Variants in ITPRID2 observed in about 807,000 individuals in gnomAD.
The protein encoded by ITPRID2 is ITPR interacting domain containing 2, also known as protein ITPRID2.
In ITPRID2, 60 loss-of-function variants were observed where a neutral mutation model predicts 124.3. The ratio of observed to expected loss-of-function variants is 0.48; its 90% CI spans 0.39 to 0.60. The LOEUF (loss-of-function observed/expected upper bound fraction) is 0.60. Among genes scored for constraint, ITPRID2 ranks in the 20% least tolerant of loss-of-function variants. The pLI, the probability that ITPRID2 is intolerant of heterozygous loss-of-function variation, is 0.00. For synonymous variants in ITPRID2, 521 were observed against 542.9 expected, an observed-to-expected ratio of 0.96 and a Z score of 0.56; for missense variants, 1,553 against 1,512.2, an observed-to-expected ratio of 1.03 and a Z score of -0.45.
intron 8 of ITPRID2, among the ~76,000 whole-genome samples, chr2:181,903,243 C>T (rs1692826222): frequency 1.3e-5 from 2 of 152,170 alleles, no homozygotes. Context: ...CTGTTCTTGG[C>T]TCTTGAAGTA....
chr2:181,917,335 T>C (rs946432340), intron 11 of ITPRID2: 3 of 152,254 alleles, frequency 2.0e-5, no homozygotes, highest in African/African-American at 2.4e-5. Flanking sequence ...GTGTAACTTC[T>C]CAAGTTATAA....
At chr2:181,909,613 A>C (rs947176134) in intron 8 of ITPRID2, among the ~76,000 whole-genome samples, 4 of 152,216 alleles carry the variant, frequency 2.6e-5, no homozygotes, top group African/African-American at 9.6e-5. Flanking sequence ...ACTAACCGTT[A>C]CAGGGTAAAA....
At chr2:181,913,810 A>G (rs1693817763) in intron 9 of ITPRID2, 35 bp from the exon 10 acceptor site, 1 of 1,496,986 alleles carries the variant, frequency 6.7e-7, no homozygotes, top group East Asian at 2.3e-5. Flanking sequence ...TTTATAGATC[A>G]TCTGTTTCTT....
At chr2:181,916,455 CT>C (rs745832808) in intron 11 of ITPRID2, 28 bp downstream of exon 11, 4 of 1,590,162 alleles carry the variant, frequency 2.5e-6, no homozygotes, top group African/African-American at 1.3e-5. Context: ...TTATCATTAG[CT>C]TTTTTCTTTT....
chr2:181,900,935 T>C (rs1692615370), intron 7 of ITPRID2, 31 bp downstream of exon 7: 1 of 1,529,200 alleles, frequency 6.5e-7, no homozygotes, highest in East Asian at 2.3e-5. Flanking sequence ...GCATATTATT[T>C]TCTTAAATTA....
chr2:181,900,122 T>C lies in ITPRID2; in HGVS notation c.504-574T>C, dbSNP rs140385129. ...AATAGGATTAGAGTAGTTACCTTTG[T>C]GTAACCCACACTCTCTGTACCTTAC... On this transcript the variant is annotated intron_variant, in intron 6 of 17. Transcript: ENST00000431877. 2.2e-3 allele frequency among the ~76,000 whole-genome samples: 342 copies of C among 152,328 alleles called. 3 individuals carry two copies. Among genetic ancestry groups the C allele is most frequent in the African/African-American group, 7.7e-3 (321 of 41,578 alleles).
At chr2:181,916,908 C>G (rs1256817672) in intron 11 of ITPRID2, 5 of 994,986 alleles carry the variant, frequency 5.0e-6, no homozygotes, top group Non-Finnish European at 6.0e-6. Flanking sequence ...CTAAGCTTTC[C>G]CCTTCACCTA....
chr2:181,893,760 C>T (rs770418960), intron 2 of ITPRID2: 1 of 152,164 alleles, frequency 6.6e-6, no homozygotes, highest in Non-Finnish European at 1.5e-5. Context: ...ATCAATCTCC[C>T]AGTTTTCAGA....
intron 7 of ITPRID2, among the ~76,000 whole-genome samples, chr2:181,901,378 CT>C (rs1692653030): frequency 6.6e-6 from 1 of 152,146 alleles, no homozygotes; most frequent in Non-Finnish European, 1.5e-5. Flanking sequence ...ATCCCTCACC[CT>C]GCAAATTAGG....
In ITPRID2 at chr2:181,919,924, T is replaced by G. The variant is rs893433066; in HGVS notation, c.3144+478T>G. Among the ~76,000 whole-genome samples the G allele has an allele frequency of 3.7e-4, 56 of 152,182 alleles. No homozygotes were observed. Among genetic ancestry groups the G allele is most frequent in the African/African-American group, 1.2e-3 (51 of 41,562 alleles). On this transcript the variant is annotated intron_variant, in intron 14 of 17. Coordinates refer to ENST00000431877, the MANE Select transcript of ITPRID2 (RefSeq NM_001130445.3). The surrounding 1 kb of genome is among the most constrained non-coding windows in gnomAD (Gnocchi z 4.2). ...AATGATACCTGTATATTTTCATACATATATATACATACACATACATATATG... is the reference window on the plus strand; with the variant it reads ...AATGATACCTGTATATTTTCATACAGATATATACATACACATACATATATG...
intron 7 of ITPRID2, among the ~76,000 whole-genome samples, 153 bp from the exon 8 acceptor site, chr2:181,901,613 A>G (rs144780038): frequency 1.1e-3 from 164 of 152,280 alleles, no homozygotes; most frequent in African/African-American, 3.6e-3. Flanking sequence ...GAATGTAGAG[A>G]AGGTTTAAGT....
intron 9 of ITPRID2, among the ~76,000 whole-genome samples, chr2:181,913,131 A>AG (rs1693744050): frequency 6.6e-6 from 1 of 151,856 alleles, no homozygotes; most frequent in Non-Finnish European, 1.5e-5. Flanking sequence ...GCAGTGGCAC[A>AG]ATCTTGGCTC....
At position 181,896,159 on chromosome 2, in the gene ITPRID2, A is replaced by T. The variant is rs975784706; in HGVS notation, c.307+80A>T. On this transcript the variant is annotated intron_variant, in intron 3 of 17. Transcript: ENST00000431877. This position sits in a 1 kb window ranked among gnomAD's most constrained non-coding sequence, Gnocchi z 4.3. The stretch of plus-strand genomic sequence containing the variant: ...TCCTCTGGGTAAAAGTGTATATATG[A>T]CTTATAAAAGTGATATTCATGTTTA... The T allele has an allele frequency of 4.0e-6, 5 of 1,265,366 alleles. No individual in the cohort carries two copies. In the East Asian group the frequency reaches 1.2e-4, roughly 29 times the overall value. 78.4% of individuals were successfully genotyped at this position (1,265,366 alleles called of 1,614,324 possible). A position where few individuals can be genotyped will look rare whatever the true frequency, so the allele number is the denominator to read the frequency against.
intron 8 of ITPRID2, among the ~76,000 whole-genome samples, chr2:181,903,757 C>T (rs969300536): frequency 9.9e-5 from 15 of 151,946 alleles, no homozygotes; most frequent in Admixed American, 7.9e-4. Context: ...TATTTCTCAT[C>T]GTAATGAGTA....
Position 181,910,082 on chromosome 2 carries a change from A to G in ITPRID2, c.1486+111A>G. The stretch of plus-strand genomic sequence containing the variant: ...AGTATTTATGAGTGTGAAAAGGCAA[A>G]GAACACACACAGGTAGGCATGATTC... On this transcript the variant is annotated intron_variant, in intron 9 of 17. Transcript: ENST00000431877. The surrounding 1 kb of genome is among the most constrained non-coding windows in gnomAD (Gnocchi z 4.1). The G allele has an allele frequency of 1.4e-6, 1 of 718,666 alleles. No homozygotes were observed. Among genetic ancestry groups the G allele is most frequent in the Non-Finnish European group, 2.3e-6 (1 of 436,582 alleles). 44.5% of individuals were successfully genotyped at this position (718,666 alleles called of 1,614,324 possible).
chr2:181,913,814 G>A (rs763992025), intron 9 of ITPRID2, 31 bp from the exon 10 acceptor site: 2 of 1,537,604 alleles, frequency 1.3e-6, no homozygotes, highest in Non-Finnish European at 1.8e-6. Flanking sequence ...TAGATCATCT[G>A]TTTCTTATAG....
At position 181,929,791 on chromosome 2, in the gene ITPRID2, AT is replaced by A; in HGVS notation, c.*247del. 1 of 494,858 alleles carries A rather than the reference AT, an allele frequency of 2.0e-6. No homozygotes were observed. The highest frequency in any genetic ancestry group is 3.5e-6 in the Non-Finnish European group (1 of 285,280). The allele number at this position is 494,858 out of a possible 1,614,324, so 30.7% of individuals were successfully genotyped here. ...ACTCTAGCAGTTTGAAAAGCCTAAT[AT>A]TTATTTGTATGTCAGTATTTTTCAT... On this transcript the variant is annotated 3_prime_UTR_variant, in exon 18 of 18. Coordinates refer to ENST00000431877, the MANE Select transcript of ITPRID2 (RefSeq NM_001130445.3).
intron 4 of ITPRID2, among the ~76,000 whole-genome samples, chr2:181,897,356 T>C (rs1692286833): frequency 6.6e-6 from 1 of 152,050 alleles, no homozygotes; most frequent in African/African-American, 2.4e-5. Context: ...CAGCTGCAGC[T>C]TGTCTTTCTC....
Position 181,892,456 on chromosome 2 carries a change from C to A in ITPRID2, c.212-159C>A. 1 of 1,140,058 alleles carries A rather than the reference C, an allele frequency of 8.8e-7. No homozygotes were observed. Among genetic ancestry groups the A allele is most frequent in the Non-Finnish European group, 1.3e-6 (1 of 789,794 alleles). 70.6% of individuals were successfully genotyped at this position (1,140,058 alleles called of 1,614,324 possible). On this transcript the variant is annotated intron_variant, in intron 1 of 17. Transcript: ENST00000431877. This position sits in a 1 kb window ranked among gnomAD's most constrained non-coding sequence, Gnocchi z 5.2. ...GAGGCGCCCCCAGCGTCAACACAGA[C>A]AACTGGGTGCCATCCGATTTCCCTG...
Sources: gnomAD v4.1 joint callset for allele counts (sites outside exome capture counted in the v4.1 genomes callset) on GRCh38, gnomAD v4.1.1 for gene constraint, Gnocchi (gnomAD v3.1) non-coding constraint, MANE v1.5 for transcripts, NCBI Gene and HGNC (gene_info 2026-07-23, HGNC 2026-07-21) for gene names.